The following LDLRAD3 variants were observed in gnomAD, a reference collection of about 807,000 sequenced individuals.
LDLRAD3 encodes low density lipoprotein receptor class A domain containing 3, also known as low-density lipoprotein receptor class A domain-containing protein 3.
In LDLRAD3, 20 loss-of-function variants were observed where a neutral mutation model predicts 29.4. The observed-to-expected ratio is 0.68, with a 90% CI of 0.48 to 0.99. LDLRAD3 has a LOEUF of 0.99. LDLRAD3 is among the 50% of genes least tolerant of loss of function. The pLI, the probability that LDLRAD3 is intolerant of heterozygous loss-of-function variation, is 0.00. For missense variants in LDLRAD3, 420 were observed against 454.3 expected, an observed-to-expected ratio of 0.92 and a Z score of 0.69; for synonymous variants, 157 against 192.7, an observed-to-expected ratio of 0.81 and a Z score of 1.53.
intron 1 of LDLRAD3, among the ~76,000 whole-genome samples, chr11:36,000,436 G>C (rs1015759952): frequency 6.6e-6 from 1 of 151,954 alleles, no homozygotes; most frequent in Non-Finnish European, 1.5e-5. Context: ...GGAACAAAGA[G>C]AAAGGAAGAT....
At chr11:36,190,638 A>G (rs1854926780) in intron 4 of LDLRAD3, among the ~76,000 whole-genome samples, 1 of 152,200 alleles carries the variant, frequency 6.6e-6, no homozygotes, top group African/African-American at 2.4e-5. Flanking sequence ...TAGGAATTCT[A>G]GAGAGAAGAG....
In LDLRAD3 at chr11:36,226,449, T is replaced by C. The variant is rs571063964; in HGVS notation, c.455-636T>C. On this transcript the variant is annotated intron_variant, in intron 4 of 5. Coordinates refer to ENST00000315571, the MANE Select transcript of LDLRAD3 (RefSeq NM_174902.4). ...CCTGAGGTGTGTTATACATTTCTAC[T>C]AAAGAACGGATTTCTGCTACAAGAA... 4.6e-5 allele frequency among the ~76,000 whole-genome samples: 7 copies of C among 152,352 alleles called. No homozygotes were observed. The South Asian group carries it at 8.3e-4, about 18-fold the overall frequency.
intron 1 of LDLRAD3, among the ~76,000 whole-genome samples, chr11:35,982,446 C>G (rs767644580): frequency 2.6e-5 from 4 of 152,168 alleles, no homozygotes; most frequent in Non-Finnish European, 5.9e-5. Context: ...AACTCGATCA[C>G]TTCTGTAAAG....
intron 1 of LDLRAD3, among the ~76,000 whole-genome samples, chr11:36,020,234 A>G (rs1852078993): frequency 6.6e-6 from 1 of 152,210 alleles, no homozygotes; most frequent in Admixed American, 6.5e-5. Flanking sequence ...CCTAGGGTCC[A>G]TAGCCTTCTC....
intron 1 of LDLRAD3, among the ~76,000 whole-genome samples, chr11:35,957,233 G>T (rs536080625): frequency 6.6e-6 from 1 of 152,184 alleles, no homozygotes. Flanking sequence ...ATAATTTCAT[G>T]TCCTGCTTTT....
At chr11:35,976,437 G>A (rs140018375) in intron 1 of LDLRAD3, among the ~76,000 whole-genome samples, 26 of 152,258 alleles carry the variant, frequency 1.7e-4, no homozygotes, top group African/African-American at 6.3e-4. Flanking sequence ...AACAGGTGAT[G>A]AGAGTTGGCT....
intron 1 of LDLRAD3, among the ~76,000 whole-genome samples, chr11:36,034,894 G>A (rs781251428): frequency 2.8e-4 from 43 of 152,316 alleles, no homozygotes; most frequent in Middle Eastern, 3.4e-3. Context: ...GCCTGTAGGA[G>A]GATATGATGT....
intron 1 of LDLRAD3, among the ~76,000 whole-genome samples, chr11:36,001,769 G>A (rs1851828110): frequency 7.2e-6 from 1 of 139,220 alleles, no homozygotes; most frequent in Non-Finnish European, 1.5e-5. Context: ...GTGTGTGTGT[G>A]TGTGTGTGTG....
chr11:36,032,833 C>T lies in LDLRAD3; in HGVS notation c.47-3270C>T, dbSNP rs72940795. 5.0e-3 allele frequency among the ~76,000 whole-genome samples: 763 copies of T among 151,780 alleles called. 4 individuals carry two copies. The highest frequency in any genetic ancestry group is 8.9e-3 in the Non-Finnish European group (608 of 67,982). ...TGGGTTTGAGGCAGGTTTTTGAAGA[C>T]AGAATCAATAAGATTTAACCTGCCT... On this transcript the variant is annotated intron_variant, in intron 1 of 5. Transcript: ENST00000315571.
At chr11:36,176,418 A>G (rs1399519806) in intron 4 of LDLRAD3, among the ~76,000 whole-genome samples, 1 of 147,918 alleles carries the variant, frequency 6.8e-6, no homozygotes, top group East Asian at 2.0e-4. Flanking sequence ...TGTGGGATTT[A>G]TGCTTTTTGG....
At chr11:35,965,265 G>A (rs1293172606) in intron 1 of LDLRAD3, among the ~76,000 whole-genome samples, 1 of 152,154 alleles carries the variant, frequency 6.6e-6, no homozygotes, top group Non-Finnish European at 1.5e-5. Flanking sequence ...ATGTTGTAAT[G>A]GCTCATCAGA....
chr11:36,114,174 A>T lies in LDLRAD3; in HGVS notation c.454+15713A>T, dbSNP rs78006083. Among the ~76,000 whole-genome samples the T allele has an allele frequency of 3.2e-4, 49 of 152,286 alleles. No individual in the cohort carries two copies. In the East Asian group the frequency reaches 9.5e-3, roughly 30 times the overall value. On this transcript the variant is annotated intron_variant, in intron 4 of 5. Coordinates refer to ENST00000315571, the MANE Select transcript of LDLRAD3 (RefSeq NM_174902.4). ...GTTTTTTGCACTGATCAACACCGGA[A>T]CTTTTAGAAGACTTTTAGAAGATTT...
chr11:36,065,800 T>A (rs2133238696), intron 2 of LDLRAD3, among the ~76,000 whole-genome samples: 1 of 152,290 alleles, frequency 6.6e-6, no homozygotes, highest in East Asian at 1.9e-4. Flanking sequence ...CCTTTGCAGG[T>A]GTTTTGAGAC....
chr11:36,006,222 G>A lies in LDLRAD3; in HGVS notation c.47-29881G>A, dbSNP rs116171502. ...TCTTTTCTCCCTAAATTATGTGGGCGCCATAGTTACCAGAGTTACAATTAA... is the reference window on the plus strand; with the variant it reads ...TCTTTTCTCCCTAAATTATGTGGGCACCATAGTTACCAGAGTTACAATTAA... On this transcript the variant is annotated intron_variant, in intron 1 of 5. Transcript: ENST00000315571. Among the ~76,000 whole-genome samples, 517 of 152,156 alleles carry A rather than the reference G, an allele frequency of 3.4e-3. 2 individuals are homozygous for A. Among genetic ancestry groups the A allele is most frequent in the African/African-American group, 0.012 (495 of 41,526 alleles).
chr11:36,229,048 G>A (rs899829684), intron 5 of LDLRAD3, 112 bp from the exon 6 acceptor site: 15 of 744,602 alleles, frequency 2.0e-5, no homozygotes, highest in African/African-American at 8.7e-5. Context: ...ATCTCATTTC[G>A]CACTGGAAAC....
In LDLRAD3 at chr11:36,047,081, C is replaced by T. The variant is rs531903925; in HGVS notation, c.193+10832C>T. 5.9e-5 allele frequency among the ~76,000 whole-genome samples: 9 copies of T among 152,232 alleles called. No individual in the cohort carries two copies. In the East Asian group the frequency reaches 1.7e-3, roughly 29 times the overall value. On this transcript the variant is annotated intron_variant, in intron 2 of 5. Coordinates refer to ENST00000315571, the MANE Select transcript of LDLRAD3 (RefSeq NM_174902.4). ...AGGGGGCTGCTGTGGACTAAGCACA[C>T]AGTGTCACCAGCTCTCCACTCTCCA...
At chr11:36,043,921 T>TA (rs1417329495) in intron 2 of LDLRAD3, among the ~76,000 whole-genome samples, 1 of 152,216 alleles carries the variant, frequency 6.6e-6, no homozygotes, top group Admixed American at 6.5e-5. Flanking sequence ...TCACAGCGCT[T>TA]ACGGTGTGCG....
intron 2 of LDLRAD3, among the ~76,000 whole-genome samples, chr11:36,071,769 TG>T (rs1852908154): frequency 6.6e-6 from 1 of 152,206 alleles, no homozygotes; most frequent in Non-Finnish European, 1.5e-5. Context: ...CCTTTGCTAT[TG>T]GAAGTGTGGT....
At chr11:36,015,836 C>T (rs1212741061) in intron 1 of LDLRAD3, among the ~76,000 whole-genome samples, 2 of 152,162 alleles carry the variant, frequency 1.3e-5, no homozygotes, top group East Asian at 1.9e-4. Context: ...AGGACAACTC[C>T]AAAACCTTGG....
Sources: gnomAD v4.1 joint callset for allele counts (sites outside exome capture counted in the v4.1 genomes callset) on GRCh38, gnomAD v4.1.1 for gene constraint, MANE v1.5 for transcripts, NCBI Gene and HGNC (gene_info 2026-07-23, HGNC 2026-07-21) for gene names.